CEP104: variants seen among roughly 807,000 people sequenced by gnomAD.
CEP104 encodes the protein centrosomal protein 104.
A neutral mutation model predicts 113.3 loss-of-function variants in CEP104; 84 were observed. The observed-to-expected ratio is 0.74, with a 90% confidence interval of 0.62 to 0.89. The LOEUF is 0.89. Ranked by LOEUF, CEP104 falls within the 40% of genes least tolerant of loss-of-function variation. The probability of loss-of-function intolerance (pLI) is 0.00; values close to 1 mark genes in which losing one functional copy is unlikely to be tolerated. For synonymous variants in CEP104, 378 were observed against 421.7 expected, an observed-to-expected ratio of 0.90 and a Z score of 1.27; for missense variants, 1,053 against 1,156.6, an observed-to-expected ratio of 0.91 and a Z score of 1.30.
chr1:3,834,991 ATCT>A lies in CEP104; in HGVS notation c.1416_1418del (p.Glu472del). ...CGGATGCTCTCAGTGTGTTCTTTAA[ATCT>A]TCTTTTGGGGTTCCAACAGGCATTT... On this transcript the variant is annotated inframe_deletion, in exon 11 of 22. Transcript: ENST00000378230. 3 of 1,613,540 alleles carry A rather than the reference ATCT, an allele frequency of 1.9e-6. No individual in the cohort carries two copies. Among genetic ancestry groups the A allele is most frequent in the Non-Finnish European group, 2.5e-6 (3 of 1,179,766 alleles).
chr1:3,830,312 G>A (rs924923428), intron 13 of CEP104, among the ~76,000 whole-genome samples: 5 of 152,016 alleles, frequency 3.3e-5, no homozygotes, highest in African/African-American at 4.8e-5. Flanking sequence ...CTGCGTAGCC[G>A]ATGTGCAGAT....
At chr1:3,842,332 G>A (rs1198525185) in intron 6 of CEP104, among the ~76,000 whole-genome samples, 5 of 152,178 alleles carry the variant, frequency 3.3e-5, no homozygotes, top group South Asian at 2.1e-4. Flanking sequence ...CGCCCGCCTC[G>A]GCCTCCTAAA....
chr1:3,826,526 A>C, intron 16 of CEP104, 90 bp from the exon 17 acceptor site: 1 of 1,352,938 alleles, frequency 7.4e-7, no homozygotes, highest in Non-Finnish European at 1.0e-6. Flanking sequence ...TAAAACGATT[A>C]TACAAGTAAA....
chr1:3,825,677 G>T, intron 18 of CEP104, 81 bp downstream of exon 18: 1 of 892,772 alleles, frequency 1.1e-6, no homozygotes. Context: ...CTAAGACTTG[G>T]GACAGCTTTT....
rs1311987086 is a variant in CEP104 at position 3,823,659 on chromosome 1, A to G, written c.2365-97T>C. 1.2e-5 allele frequency: 17 copies of G among 1,472,988 alleles called. No homozygotes were observed. The highest frequency in any genetic ancestry group is 1.6e-5 in the Non-Finnish European group (17 of 1,067,564). 91.2% of individuals were successfully genotyped at this position (1,472,988 alleles called of 1,614,324 possible). A position where few individuals can be genotyped will look rare whatever the true frequency, so the allele number is the denominator to read the frequency against. The stretch of plus-strand genomic sequence containing the variant: ...CTGTGAGCGCCTCCCCTGCCCAGGG[A>G]GGTCTGTGCCGCCTGCACATGAAGT... On this transcript the variant is annotated intron_variant, in intron 18 of 21. Coordinates refer to ENST00000378230, the MANE Select transcript of CEP104 (RefSeq NM_014704.4). This position sits in a 1 kb window ranked among gnomAD's most constrained non-coding sequence, Gnocchi z 4.1.
Position 3,815,406 on chromosome 1 carries a change from C to A in CEP104, c.2774G>T (p.Arg925Leu). The change falls in exon 22 of 22, where the codon CGC (arginine) becomes CTC (leucine). Residue 925 changes from arginine to leucine, a missense_variant. Arg to Leu is a moderately radical substitution (Grantham distance 102). Transcript: ENST00000378230. ...CCAAGGAGCCCGAGCGCCGCGTCAGCGCTTGGCGTACGTCCTGCTGGAGCT... is the reference window on the plus strand; with the variant it reads ...CCAAGGAGCCCGAGCGCCGCGTCAGAGCTTGGCGTACGTCCTGCTGGAGCT... ...SKSSSRTYAK[R>L] 1 of 1,609,380 alleles carries A rather than the reference C, an allele frequency of 6.2e-7. No individual in the cohort carries two copies. The highest frequency in any genetic ancestry group is 8.5e-7 in the Non-Finnish European group (1 of 1,178,250).
chr1:3,814,365 AG>A lies in CEP104; in HGVS notation c.*1036del, dbSNP rs1643840881. The A allele has an allele frequency of 6.6e-6, 1 of 152,246 alleles. No homozygotes were observed. Among genetic ancestry groups the A allele is most frequent in the African/African-American group, 2.4e-5 (1 of 41,464 alleles). The allele number at this position is 152,246 out of a possible 1,614,324, so 9.4% of individuals were successfully genotyped here. ...AAAACCCCCAGCTCACTCCCACAGGAGGGGATGGCTGGTTAGGAGACTGTTT... is the reference window on the plus strand; with the variant it reads ...AAAACCCCCAGCTCACTCCCACAGGAGGGATGGCTGGTTAGGAGACTGTTT... On this transcript the variant is annotated 3_prime_UTR_variant, in exon 22 of 22. Transcript: ENST00000378230.
chr1:3,842,980 G>T (rs887252359), intron 6 of CEP104: 1 of 385,328 alleles, frequency 2.6e-6, no homozygotes. Context: ...TAGAGAAGGA[G>T]TTTTACCATG....
In CEP104 at chr1:3,855,985, C is replaced by T. The variant is rs903973234; in HGVS notation, c.-15+904G>A. 1.1e-5 allele frequency: 11 copies of T among 979,892 alleles called. No homozygotes were observed. The African/African-American group carries it at 1.8e-4, about 16-fold the overall frequency. 60.7% of individuals were successfully genotyped at this position (979,892 alleles called of 1,614,324 possible). A position where few individuals can be genotyped will look rare whatever the true frequency, so the allele number is the denominator to read the frequency against. On this transcript the variant is annotated intron_variant, in intron 1 of 21. Coordinates refer to ENST00000378230, the MANE Select transcript of CEP104 (RefSeq NM_014704.4). ...GACTCCATGGCGGTCTCATCCCTCA[C>T]TACACTTTTCCTAGTGCTGGCATGG... is the stretch of plus-strand genomic sequence containing the variant.
At chr1:3,835,644 T>C (rs1440885036) in intron 10 of CEP104, among the ~76,000 whole-genome samples, 1 of 152,176 alleles carries the variant, frequency 6.6e-6, no homozygotes, top group Non-Finnish European at 1.5e-5. Flanking sequence ...GTGCTGGGAT[T>C]ATAGGCGTGA....
In CEP104 at chr1:3,819,702, T is replaced by G. The variant is rs1162498164; in HGVS notation, c.2572-3332A>C. On this transcript the variant is annotated intron_variant, in intron 20 of 21. Coordinates refer to ENST00000378230, the MANE Select transcript of CEP104 (RefSeq NM_014704.4). This position sits in a 1 kb window ranked among gnomAD's most constrained non-coding sequence, Gnocchi z 4.6. ...GTGACCCACAGAAGATTGAGCAGTC[T>G]TCACACTCACGAGCCTGCAGGCAGG... is the stretch of plus-strand genomic sequence containing the variant. 6.6e-6 allele frequency among the ~76,000 whole-genome samples: 1 copy of G among 152,156 alleles called. No homozygotes were observed. Among genetic ancestry groups the G allele is most frequent in the Non-Finnish European group, 1.5e-5 (1 of 68,022 alleles).
chr1:3,817,202 T>C (rs773839573), intron 20 of CEP104, among the ~76,000 whole-genome samples: 10 of 152,020 alleles, frequency 6.6e-5, no homozygotes, highest in Non-Finnish European at 1.3e-4. Flanking sequence ...TGGTGGCGCA[T>C]CTCGTGTCCC....
chr1:3,817,046 C>T (rs191002204), intron 20 of CEP104, among the ~76,000 whole-genome samples: 3 of 152,322 alleles, frequency 2.0e-5, no homozygotes, highest in East Asian at 3.9e-4. Context: ...ACAACACTCA[C>T]GAGGCTGGGC....
chr1:3,855,848 T>A, intron 1 of CEP104: 1 of 947,366 alleles, frequency 1.1e-6, no homozygotes. Flanking sequence ...CTGTTGAACA[T>A]CCAGTTATTG....
At chr1:3,826,471 T>G (rs777766282) in intron 16 of CEP104, 35 bp from the exon 17 acceptor site, 20 of 1,574,896 alleles carry the variant, frequency 1.3e-5, no homozygotes, top group Non-Finnish European at 1.7e-5. Flanking sequence ...TAACTTTTTA[T>G]AGAAATTATT....
At chr1:3,843,734 G>A (rs1188774695) in intron 6 of CEP104, among the ~76,000 whole-genome samples, 1 of 151,622 alleles carries the variant, frequency 6.6e-6, no homozygotes, top group Admixed American at 6.6e-5. Flanking sequence ...TATTTTTAAC[G>A]GGTAGAGAGA....
chr1:3,837,229 C>A, intron 9 of CEP104, 63 bp downstream of exon 9: 1 of 1,379,800 alleles, frequency 7.2e-7, no homozygotes, highest in Non-Finnish European at 1.0e-6. Context: ...GCACCTGGCA[C>A]AACACATGTC....
At chr1:3,843,269 C>G in intron 6 of CEP104, 1 of 705,626 alleles carries the variant, frequency 1.4e-6, no homozygotes, top group Non-Finnish European at 2.6e-6. Flanking sequence ...CCGAGGATGG[C>G]ACAGCGGGGC....
intron 20 of CEP104, chr1:3,822,678 G>C (rs1286603378): frequency 7.0e-6 from 1 of 143,430 alleles, no homozygotes; most frequent in Non-Finnish European, 1.5e-5. Context: ...GAAGTGGAGG[G>C]TGGGCGTGTA....
Sources: allele counts gnomAD v4.1 joint callset (sites outside exome capture counted in the v4.1 genomes callset), GRCh38; gene constraint gnomAD v4.1.1; non-coding constraint Gnocchi (gnomAD v3.1); transcripts MANE v1.5; gene names NCBI Gene and HGNC (gene_info 2026-07-23, HGNC 2026-07-21).